The following FSTL5 variants were observed in gnomAD, a reference collection of about 807,000 sequenced individuals.
FSTL5 encodes follistatin like 5.
Under a neutral mutation model 89.1 loss-of-function variants are expected in FSTL5, and 62 were observed. That is an observed-to-expected ratio of 0.70 (90% CI 0.57 to 0.86). The LOEUF (loss-of-function observed/expected upper bound fraction) is 0.86, where lower values mean the gene tolerates loss of function less well. FSTL5 is among the 40% of genes least tolerant of loss of function. The pLI, the probability that FSTL5 is intolerant of heterozygous loss-of-function variation, is 0.00. For missense variants in FSTL5, 1,057 were observed against 1,001.6 expected, an observed-to-expected ratio of 1.06 and a Z score of -0.75; for synonymous variants, 383 against 346.2, an observed-to-expected ratio of 1.11 and a Z score of -1.18.
chr4:161,767,069 C>T (rs1480354192), intron 5 of FSTL5, among the ~76,000 whole-genome samples: 1 of 152,122 alleles, frequency 6.6e-6, no homozygotes, highest in Non-Finnish European at 1.5e-5. Context: ...TCAATATTCC[C>T]AGTGACTTAA....
intron 1 of FSTL5, among the ~76,000 whole-genome samples, chr4:162,153,615 A>G (rs1323029473): frequency 1.4e-5 from 2 of 142,632 alleles, no homozygotes; most frequent in East Asian, 3.9e-4. Context: ...ATATATATGT[A>G]TATTATATAT....
intron 8 of FSTL5, among the ~76,000 whole-genome samples, chr4:161,566,135 T>TATATACACAC (rs1267325201): frequency 1.8e-5 from 1 of 55,148 alleles, no homozygotes; most frequent in Non-Finnish European, 3.3e-5. Context: ...TATATATATA[T>TATATACACAC]ACACACACAC....
chr4:161,486,138 C>T (rs1180970968), intron 12 of FSTL5, among the ~76,000 whole-genome samples: 6 of 129,000 alleles, frequency 4.7e-5, no homozygotes, highest in African/African-American at 1.5e-4. Context: ...AGTAAGACTC[C>T]GTCTCAAAAA....
intron 7 of FSTL5, among the ~76,000 whole-genome samples, chr4:161,611,884 G>T (rs1459673283): frequency 6.6e-6 from 1 of 152,170 alleles, no homozygotes; most frequent in African/African-American, 2.4e-5. Flanking sequence ...CGAATGAAAA[G>T]GTCAGAGCTG....
intron 4 of FSTL5, among the ~76,000 whole-genome samples, chr4:161,882,755 T>C (rs897351889): frequency 6.6e-6 from 1 of 152,132 alleles, no homozygotes; most frequent in African/African-American, 2.4e-5. Flanking sequence ...CATTTTCATT[T>C]CCATTTACAG....
At chr4:161,501,987 G>A (rs146209434) in intron 11 of FSTL5, among the ~76,000 whole-genome samples, 107 of 152,016 alleles carry the variant, frequency 7.0e-4, no homozygotes, top group Middle Eastern at 6.8e-3. Flanking sequence ...TGTGGTGTCT[G>A]ATTTTCATTT....
At chr4:161,939,320 T>C (rs976608762) in intron 3 of FSTL5, among the ~76,000 whole-genome samples, 3 of 152,018 alleles carry the variant, frequency 2.0e-5, no homozygotes, top group Non-Finnish European at 4.4e-5. Context: ...TTAAAAGGCA[T>C]ATTTTTGCTT....
chr4:162,123,310 G>C (rs1232133798), intron 1 of FSTL5, among the ~76,000 whole-genome samples: 2 of 152,122 alleles, frequency 1.3e-5, no homozygotes, highest in Non-Finnish European at 2.9e-5. Flanking sequence ...AAGTTTCAGA[G>C]GAATTCTAGT....
chr4:161,934,617 T>G (rs1448621946), intron 3 of FSTL5, among the ~76,000 whole-genome samples: 6 of 151,754 alleles, frequency 4.0e-5, no homozygotes, highest in East Asian at 1.9e-4. Flanking sequence ...TTTTGTGGGG[T>G]TTTTTTTCGT....
chr4:162,108,124 A>C (rs1173712504), intron 2 of FSTL5, among the ~76,000 whole-genome samples: 2 of 152,144 alleles, frequency 1.3e-5, no homozygotes, highest in Non-Finnish European at 1.5e-5. Flanking sequence ...TTAAGTAAAC[A>C]CATGGGATAA....
At chr4:161,855,968 T>G (rs1731708390) in intron 4 of FSTL5, among the ~76,000 whole-genome samples, 3 of 152,216 alleles carry the variant, frequency 2.0e-5, no homozygotes, top group East Asian at 3.9e-4. Flanking sequence ...AACCAAGATA[T>G]TTAAAACTTT....
chr4:161,639,872 G>C (rs1220942841), intron 7 of FSTL5, among the ~76,000 whole-genome samples: 2 of 152,192 alleles, frequency 1.3e-5, no homozygotes, highest in South Asian at 2.1e-4. Context: ...GATGGCCACT[G>C]TTCCCTCCAT....
chr4:162,006,226 C>G (rs1736612448), intron 3 of FSTL5, among the ~76,000 whole-genome samples: 1 of 151,890 alleles, frequency 6.6e-6, no homozygotes, highest in South Asian at 2.1e-4. Flanking sequence ...CCTTTTATTA[C>G]ATATTCAACT....
At chr4:162,070,968 TACTC>T (rs1729595280) in intron 2 of FSTL5, among the ~76,000 whole-genome samples, 8 of 151,648 alleles carry the variant, frequency 5.3e-5, no homozygotes, top group Admixed American at 4.6e-4. Flanking sequence ...AAAAATATAA[TACTC>T]ACTAATAAAG....
chr4:162,121,748 AC>A (rs1018448485), intron 1 of FSTL5, among the ~76,000 whole-genome samples: 8 of 152,040 alleles, frequency 5.3e-5, no homozygotes, highest in Non-Finnish European at 1.0e-4. Context: ...CTTGAACAAG[AC>A]TGGTGTGAAT....
intron 2 of FSTL5, among the ~76,000 whole-genome samples, chr4:162,060,572 AT>A (rs1738689615): frequency 6.6e-6 from 1 of 151,916 alleles, no homozygotes; most frequent in Non-Finnish European, 1.5e-5. Context: ...TGATATCCTG[AT>A]ACTGGTTACT....
intron 6 of FSTL5, among the ~76,000 whole-genome samples, chr4:161,708,778 A>G (rs1738673751): frequency 6.6e-6 from 1 of 152,094 alleles, no homozygotes; most frequent in South Asian, 2.1e-4. Flanking sequence ...GGCTTATCTT[A>G]TTGTTTGCCT....
chr4:161,680,184 G>A (rs998609326), intron 6 of FSTL5, among the ~76,000 whole-genome samples: 6 of 151,640 alleles, frequency 4.0e-5, no homozygotes, highest in African/African-American at 1.2e-4. Flanking sequence ...TATAACCCAA[G>A]TCTCAGTTTA....
chr4:162,088,396 G>C (rs183861493), intron 2 of FSTL5, among the ~76,000 whole-genome samples: 27 of 151,864 alleles, frequency 1.8e-4, no homozygotes, highest in African/African-American at 5.8e-4. Flanking sequence ...ATGTCATTTT[G>C]TATCTATATA....
Sources: gnomAD v4.1 joint callset for allele counts (sites outside exome capture counted in the v4.1 genomes callset) on GRCh38, gnomAD v4.1.1 for gene constraint, MANE v1.5 for transcripts, NCBI Gene and HGNC (gene_info 2026-07-23, HGNC 2026-07-21) for gene names.